Variants in GRID2 observed in about 807,000 individuals in gnomAD.
GRID2 encodes the protein glutamate ionotropic receptor delta type subunit 2.
In GRID2, 33 loss-of-function variants were observed where a neutral mutation model predicts 114.8. That is an observed-to-expected ratio of 0.29 (90% CI 0.22 to 0.38). GRID2 has a LOEUF of 0.38. Among genes scored for constraint, GRID2 ranks in the 10% least tolerant of loss-of-function variants. The pLI, the probability that GRID2 is intolerant of heterozygous loss-of-function variation, is 1.00. For synonymous variants in GRID2, 505 were observed against 449.9 expected, an observed-to-expected ratio of 1.12 and a Z score of -1.55; for missense variants, 1,184 against 1,257.7, an observed-to-expected ratio of 0.94 and a Z score of 0.89.
chr4:93,654,778 T>C (rs1194142134), intron 14 of GRID2, among the ~76,000 whole-genome samples: 1 of 152,106 alleles, frequency 6.6e-6, no homozygotes, highest in African/African-American at 2.4e-5. Flanking sequence ...ATGAGAAAAT[T>C]CCACTGCCCC....
chr4:93,168,990 A>G (rs936972962), intron 4 of GRID2, among the ~76,000 whole-genome samples: 16 of 152,104 alleles, frequency 1.1e-4, no homozygotes, highest in Non-Finnish European at 2.2e-4. Context: ...ATAGAAACAG[A>G]GCATTATTTA....
At chr4:93,053,165 C>G (rs183567824) in intron 2 of GRID2, among the ~76,000 whole-genome samples, 5 of 151,946 alleles carry the variant, frequency 3.3e-5, no homozygotes, top group Non-Finnish European at 7.4e-5. Flanking sequence ...GTTCTTAAAG[C>G]GTTGTCCCAG....
Position 93,092,942 on chromosome 4 carries a change from A to T in GRID2, c.529+7663A>T, listed in dbSNP as rs139253746. ...GGCTTCAGTTCTGCCCACTTAGCAGAGTAAGCATGTCCATTTTCAGTACTG... is the reference window on the plus strand; with the variant it reads ...GGCTTCAGTTCTGCCCACTTAGCAGTGTAAGCATGTCCATTTTCAGTACTG... On this transcript the variant is annotated intron_variant, in intron 3 of 15. Transcript: ENST00000282020. Among the ~76,000 whole-genome samples, 628 of 152,178 alleles carry T rather than the reference A, an allele frequency of 4.1e-3. 8 individuals carry two copies. Among genetic ancestry groups the T allele is most frequent in the African/African-American group, 0.015 (608 of 41,544 alleles).
At chr4:92,929,413 T>C (rs1750061033) in intron 2 of GRID2, among the ~76,000 whole-genome samples, 1 of 151,464 alleles carries the variant, frequency 6.6e-6, no homozygotes, top group Admixed American at 6.6e-5. Flanking sequence ...AAAAGATACA[T>C]TAAAAAACCT....
chr4:93,757,790 T>C (rs1231444655), intron 14 of GRID2, among the ~76,000 whole-genome samples: 2 of 152,078 alleles, frequency 1.3e-5, no homozygotes, highest in East Asian at 1.9e-4. Context: ...ACCCCATCTC[T>C]ACTAAAAAAG....
intron 2 of GRID2, among the ~76,000 whole-genome samples, chr4:93,083,690 C>T (rs568146494): frequency 3.7e-5 from 4 of 109,244 alleles, no homozygotes; most frequent in African/African-American, 7.5e-5. Context: ...AGGGAGACTC[C>T]ATCTCAAAAA....
chr4:93,389,496 T>G (rs1367711885), intron 8 of GRID2, among the ~76,000 whole-genome samples: 1 of 152,040 alleles, frequency 6.6e-6, no homozygotes, highest in African/African-American at 2.4e-5. Flanking sequence ...GAAAGAAGAA[T>G]AAAGAGGACA....
chr4:92,980,470 C>G (rs114881696), intron 2 of GRID2, among the ~76,000 whole-genome samples: 4,434 of 152,002 alleles, frequency 0.029, 94 homozygotes, highest in Middle Eastern at 0.11. Context: ...TTAGAAACCT[C>G]TCTTTATTGG....
At chr4:93,796,260 G>A (rs1734797882) in intron 1 of GRID2, among the ~76,000 whole-genome samples, 1 of 151,966 alleles carries the variant, frequency 6.6e-6, no homozygotes. Flanking sequence ...CCTAATCAAA[G>A]ATTGATACTC....
At chr4:93,771,972 AC>A in intron 15 of GRID2, 103 bp from the exon 16 acceptor site, 2 of 688,294 alleles carry the variant, frequency 2.9e-6, no homozygotes, top group Non-Finnish European at 5.0e-6. Context: ...AAATGAATAA[AC>A]CCCAAAGTTC....
At chr4:93,600,662 C>T (rs58200946) in intron 13 of GRID2, among the ~76,000 whole-genome samples, 10,814 of 152,114 alleles carry the variant, frequency 0.071, 736 homozygotes, top group African/African-American at 0.17. Flanking sequence ...TAGCAGTTTC[C>T]TACCAAACTA....
intron 14 of GRID2, among the ~76,000 whole-genome samples, chr4:93,736,798 C>A (rs1730956957): frequency 8.4e-6 from 1 of 118,716 alleles, no homozygotes; most frequent in African/African-American, 3.4e-5. Flanking sequence ...GAAGTAAAGG[C>A]ATGGCTCCAA....
intron 13 of GRID2, among the ~76,000 whole-genome samples, chr4:93,603,474 G>C (rs1205485200): frequency 1.3e-5 from 2 of 152,222 alleles, no homozygotes; most frequent in Non-Finnish European, 2.9e-5. Flanking sequence ...TAAAATGAAA[G>C]TGCAAAATGA....
At chr4:92,954,900 A>C (rs1752284647) in intron 2 of GRID2, among the ~76,000 whole-genome samples, 1 of 139,062 alleles carries the variant, frequency 7.2e-6, no homozygotes, top group Non-Finnish European at 1.5e-5. Context: ...TTTACTGAGA[A>C]TGATGATTTC....
chr4:92,447,526 C>A (rs1034840476), intron 1 of GRID2, among the ~76,000 whole-genome samples: 2 of 152,190 alleles, frequency 1.3e-5, no homozygotes, highest in African/African-American at 4.8e-5. Flanking sequence ...ATTTTCCTAT[C>A]TTTGCTTTAT....
intron 11 of GRID2, among the ~76,000 whole-genome samples, chr4:93,482,725 A>T (rs72668776): frequency 0.014 from 2,152 of 152,084 alleles, 19 homozygotes; most frequent in South Asian, 0.056. Flanking sequence ...AATAAATTCT[A>T]AAAGGTAATT....
At chr4:93,397,433 G>T (rs912428459) in intron 9 of GRID2, among the ~76,000 whole-genome samples, 1 of 148,376 alleles carries the variant, frequency 6.7e-6, no homozygotes, top group African/African-American at 2.4e-5. Flanking sequence ...CTCCAGTGAT[G>T]ATTGCAGTGA....
At chr4:93,290,727 T>C (rs949348135) in intron 8 of GRID2, among the ~76,000 whole-genome samples, 2 of 152,080 alleles carry the variant, frequency 1.3e-5, no homozygotes, top group African/African-American at 4.8e-5. Flanking sequence ...CCTTCTCTTA[T>C]TCTTGGCTTC....
At chr4:93,053,081 A>G (rs929524234) in intron 2 of GRID2, among the ~76,000 whole-genome samples, 1 of 151,916 alleles carries the variant, frequency 6.6e-6, no homozygotes, top group Non-Finnish European at 1.5e-5. Context: ...AGGTAGTGGC[A>G]CACTCGCCTC....
Sources: allele counts gnomAD v4.1 joint callset (sites outside exome capture counted in the v4.1 genomes callset), GRCh38; gene constraint gnomAD v4.1.1; transcripts MANE v1.5; gene names NCBI Gene and HGNC (gene_info 2026-07-23, HGNC 2026-07-21).